EPHA3: variants seen among roughly 807,000 people sequenced by gnomAD.
EPHA3 encodes ephrin type-A receptor 3.
Under a neutral mutation model 107.1 loss-of-function variants are expected in EPHA3, and 42 were observed. That is an observed-to-expected ratio of 0.39 (90% CI 0.31 to 0.51). EPHA3 has a LOEUF of 0.51. Ranked by LOEUF, EPHA3 falls within the 20% of genes least tolerant of loss-of-function variation. The pLI, the probability that EPHA3 is intolerant of heterozygous loss-of-function variation, is 0.78. For synonymous variants in EPHA3, 461 were observed against 424.8 expected, an observed-to-expected ratio of 1.09 and a Z score of -1.05; for missense variants, 1,183 against 1,211.2, an observed-to-expected ratio of 0.98 and a Z score of 0.35.
chr3:89,189,762 C>T (rs969296550), intron 2 of EPHA3, among the ~76,000 whole-genome samples: 13 of 152,110 alleles, frequency 8.5e-5, no homozygotes, highest in Admixed American at 7.9e-4. Context: ...AATATTTTTT[C>T]ACATTATCTA....
At chr3:89,445,209 T>C (rs1163783265) in intron 13 of EPHA3, among the ~76,000 whole-genome samples, 1 of 152,100 alleles carries the variant, frequency 6.6e-6, no homozygotes, top group Non-Finnish European at 1.5e-5. Context: ...GAGGTTGCAG[T>C]GAGCCGAGAA....
At chr3:89,284,952 C>T (rs370139142) in intron 3 of EPHA3, among the ~76,000 whole-genome samples, 1 of 151,982 alleles carries the variant, frequency 6.6e-6, no homozygotes, top group Non-Finnish European at 1.5e-5. Context: ...CAGGGTGAAA[C>T]CCATTTCTAC....
chr3:89,273,566 G>A (rs888352322), intron 3 of EPHA3, among the ~76,000 whole-genome samples: 3 of 151,866 alleles, frequency 2.0e-5, no homozygotes, highest in African/African-American at 7.2e-5. Flanking sequence ...ATACTCAGTT[G>A]TAGTGTTTAC....
intron 15 of EPHA3, among the ~76,000 whole-genome samples, chr3:89,470,579 G>A (rs990386603): frequency 9.2e-5 from 14 of 152,118 alleles, no homozygotes; most frequent in Admixed American, 6.5e-5. Flanking sequence ...AATAGTATGT[G>A]GTATACCTGG....
At chr3:89,151,731 T>G (rs1333752603) in intron 2 of EPHA3, among the ~76,000 whole-genome samples, 1 of 152,042 alleles carries the variant, frequency 6.6e-6, no homozygotes, top group African/African-American at 2.4e-5. Flanking sequence ...AAATCAAACA[T>G]GGATATGTGT....
chr3:89,238,962 A>G (rs1704832752), intron 3 of EPHA3, among the ~76,000 whole-genome samples: 1 of 152,198 alleles, frequency 6.6e-6, no homozygotes, highest in African/African-American at 2.4e-5. Context: ...TTCTGTCTCA[A>G]ACAGCTAGGT....
intron 9 of EPHA3, 35 bp from the exon 10 acceptor site, chr3:89,413,106 G>A (rs1709185158): frequency 6.2e-7 from 1 of 1,608,550 alleles, no homozygotes; most frequent in Non-Finnish European, 8.5e-7. Flanking sequence ...TACAAATCTA[G>A]CTACAATTGC....
chr3:89,380,972 T>C (rs893204968), intron 5 of EPHA3, among the ~76,000 whole-genome samples: 1 of 147,888 alleles, frequency 6.8e-6, no homozygotes, highest in Admixed American at 6.6e-5. Flanking sequence ...CTATAGGCTG[T>C]TTGTTTGTTT....
intron 3 of EPHA3, among the ~76,000 whole-genome samples, chr3:89,247,273 T>C (rs993062504): frequency 2.0e-5 from 3 of 152,204 alleles, no homozygotes; most frequent in African/African-American, 7.2e-5. Flanking sequence ...GGGGAATAAT[T>C]CTAAAAAGCA....
At chr3:89,396,279 A>T (rs1409523094) in intron 6 of EPHA3, among the ~76,000 whole-genome samples, 1 of 152,132 alleles carries the variant, frequency 6.6e-6, no homozygotes, top group Non-Finnish European at 1.5e-5. Context: ...GTGGTTTCTT[A>T]GTCTATTTGT....
chr3:89,346,714 T>A (rs1447822636), intron 5 of EPHA3, among the ~76,000 whole-genome samples: 11 of 148,970 alleles, frequency 7.4e-5, no homozygotes, highest in Admixed American at 2.7e-4. Context: ...CTGAATGGTA[T>A]TGCCTAGGTT....
chr3:89,349,970 T>C (rs1255631471), intron 5 of EPHA3, among the ~76,000 whole-genome samples: 1 of 149,962 alleles, frequency 6.7e-6, no homozygotes, highest in Non-Finnish European at 1.5e-5. Flanking sequence ...CTTGTAGGGT[T>C]TCTGCCGAGA....
chr3:89,231,341 CATCTAAATATGTATGT>C (rs371120417), intron 3 of EPHA3, among the ~76,000 whole-genome samples: 13 of 152,226 alleles, frequency 8.5e-5, no homozygotes, highest in African/African-American at 3.1e-4. Flanking sequence ...TTTGAATACA[CATCTAAATATGTATGT>C]ATCTAAATAT....
intron 3 of EPHA3, among the ~76,000 whole-genome samples, chr3:89,335,043 T>C (rs1328485568): frequency 6.6e-6 from 1 of 152,224 alleles, no homozygotes; most frequent in African/African-American, 2.4e-5. Context: ...AACCATGATA[T>C]GAAACTGATC....
At chr3:89,117,848 A>C (rs1452449564) in intron 1 of EPHA3, among the ~76,000 whole-genome samples, 1 of 152,086 alleles carries the variant, frequency 6.6e-6, no homozygotes, top group Admixed American at 6.5e-5. Flanking sequence ...AAAAGGCTAG[A>C]GTTATATACA....
chr3:89,359,969 C>A (rs1708058161), intron 5 of EPHA3, among the ~76,000 whole-genome samples: 1 of 149,726 alleles, frequency 6.7e-6, no homozygotes, highest in African/African-American at 2.4e-5. Flanking sequence ...TTCGAGATAT[C>A]ATTTAAGCCT....
At chr3:89,351,286 C>A (rs959207068) in intron 5 of EPHA3, among the ~76,000 whole-genome samples, 9 of 151,248 alleles carry the variant, frequency 6.0e-5, no homozygotes, top group Non-Finnish European at 8.9e-5. Context: ...GGGCGTAGGA[C>A]CCTCTGAGCC....
intron 3 of EPHA3, among the ~76,000 whole-genome samples, chr3:89,283,657 A>G (rs971123709): frequency 2.0e-5 from 3 of 152,068 alleles, no homozygotes; most frequent in African/African-American, 7.2e-5. Context: ...AAGAGAACCC[A>G]CTTCTATCCA....
intron 5 of EPHA3, among the ~76,000 whole-genome samples, chr3:89,358,519 C>T (rs556809105): frequency 1.5e-4 from 22 of 151,024 alleles, no homozygotes; most frequent in African/African-American, 5.1e-4. Flanking sequence ...TCACTACTTT[C>T]AAGGAGCTCT....
Sources: gnomAD v4.1 joint callset for allele counts (sites outside exome capture counted in the v4.1 genomes callset) on GRCh38, gnomAD v4.1.1 for gene constraint, MANE v1.5 for transcripts, NCBI Gene and HGNC (gene_info 2026-07-23, HGNC 2026-07-21) for gene names.